The following FAM81B variants were observed in gnomAD, a reference collection of about 807,000 sequenced individuals.
FAM81B encodes family with sequence similarity 81 member B.
Under a neutral mutation model 58.7 loss-of-function variants are expected in FAM81B, and 60 were observed. That is an observed-to-expected ratio of 1.02 (90% CI 0.83 to 1.27). The LOEUF (loss-of-function observed/expected upper bound fraction) is 1.27, where lower values mean the gene tolerates loss of function less well. FAM81B is among the 50% of genes most tolerant of loss of function. The pLI, the probability that FAM81B is intolerant of heterozygous loss-of-function variation, is 0.00. For synonymous variants in FAM81B, 189 were observed against 179.6 expected (o/e 1.05, Z -0.42); for missense variants, 491 against 522.0 (o/e 0.94, Z 0.58).
chr5:95,404,891 G>A (rs2152761702), intron 3 of FAM81B, among the ~76,000 whole-genome samples: 1 of 152,244 alleles, frequency 6.6e-6, no homozygotes, highest in African/African-American at 2.4e-5. Context: ...TATGAGAGAA[G>A]GCCTATGTGG....
chr5:95,398,519 G>C (rs1762023459), intron 3 of FAM81B, among the ~76,000 whole-genome samples: 1 of 152,130 alleles, frequency 6.6e-6, no homozygotes, highest in African/African-American at 2.4e-5. Context: ...TGCAAACAGA[G>C]TACTTAAGTA....
intron 7 of FAM81B, among the ~76,000 whole-genome samples, chr5:95,439,157 A>G (rs1319495868): frequency 6.7e-6 from 1 of 149,236 alleles, no homozygotes; most frequent in Non-Finnish European, 1.5e-5. Flanking sequence ...AGAAACAAAA[A>G]AAGTATTATG....
chr5:95,450,123 G>A (rs1561319015), intron 9 of FAM81B, 26 bp from the exon 10 acceptor site: 1 of 1,591,480 alleles, frequency 6.3e-7, no homozygotes, highest in Non-Finnish European at 8.5e-7. Flanking sequence ...TTGTTTAAGT[G>A]TACCTATTCT....
chr5:95,432,304 A>G (rs1744934506), intron 6 of FAM81B, among the ~76,000 whole-genome samples: 1 of 152,000 alleles, frequency 6.6e-6, no homozygotes, highest in Non-Finnish European at 1.5e-5. Context: ...TTTACTTAAG[A>G]ATTTTGCATT....
intron 2 of FAM81B, among the ~76,000 whole-genome samples, chr5:95,395,270 T>C (rs1215965667): frequency 6.6e-6 from 1 of 151,784 alleles, no homozygotes. Flanking sequence ...AAACCCCATC[T>C]CTACTAAAAA....
At chr5:95,398,510 GCAAA>G (rs1374313460) in intron 3 of FAM81B, among the ~76,000 whole-genome samples, 8 of 152,106 alleles carry the variant, frequency 5.3e-5, no homozygotes, top group Non-Finnish European at 1.2e-4. Flanking sequence ...GGATTGACAT[GCAAA>G]CAGAGTACTT....
intron 6 of FAM81B, among the ~76,000 whole-genome samples, chr5:95,433,236 C>T (rs941075204): frequency 3.4e-5 from 5 of 148,756 alleles, no homozygotes; most frequent in Admixed American, 2.7e-4. Flanking sequence ...CTGGGGAGAC[C>T]TCACAGTCAT....
intron 3 of FAM81B, among the ~76,000 whole-genome samples, chr5:95,412,149 T>C (rs1346641483): frequency 6.6e-6 from 1 of 152,128 alleles, no homozygotes; most frequent in Non-Finnish European, 1.5e-5. Context: ...TGCTGCTTTT[T>C]TTTTTAAGAC....
At chr5:95,411,141 G>A (rs1226719940) in intron 3 of FAM81B, among the ~76,000 whole-genome samples, 1 of 152,092 alleles carries the variant, frequency 6.6e-6, no homozygotes, top group Non-Finnish European at 1.5e-5. Flanking sequence ...ACACATAAGG[G>A]CTTTGGAAAT....
At chr5:95,418,769 A>G (rs1044744090) in intron 4 of FAM81B, among the ~76,000 whole-genome samples, 4 of 152,114 alleles carry the variant, frequency 2.6e-5, no homozygotes, top group Admixed American at 6.5e-5. Flanking sequence ...AGACAAAATA[A>G]TCTCCTCAAT....
chr5:95,422,331 A>G (rs1321073369), intron 5 of FAM81B, among the ~76,000 whole-genome samples: 2 of 150,374 alleles, frequency 1.3e-5, no homozygotes, highest in Non-Finnish European at 3.0e-5. Context: ...ATATAGAAAT[A>G]TTTATTTCAT....
intron 7 of FAM81B, chr5:95,440,497 G>C (rs1199525618): frequency 6.6e-6 from 4 of 601,810 alleles, no homozygotes; most frequent in Non-Finnish European, 1.3e-5. Context: ...GGGTTTGCCT[G>C]TTGCTTTAGA....
chr5:95,427,872 G>C (rs535766732), intron 5 of FAM81B, among the ~76,000 whole-genome samples: 7 of 152,138 alleles, frequency 4.6e-5, no homozygotes, highest in African/African-American at 7.2e-5. Context: ...AGTTGTGGGG[G>C]TGTGGTTCTG....
intron 3 of FAM81B, among the ~76,000 whole-genome samples, chr5:95,408,582 T>C (rs1306190774): frequency 1.3e-5 from 2 of 152,216 alleles, no homozygotes; most frequent in Admixed American, 6.5e-5. Flanking sequence ...CTGCATGTAA[T>C]GTAGTATGAA....
intron 3 of FAM81B, among the ~76,000 whole-genome samples, chr5:95,405,325 C>T (rs1762216764): frequency 6.6e-6 from 1 of 152,132 alleles, no homozygotes; most frequent in Non-Finnish European, 1.5e-5. Context: ...AGTTGTGTGA[C>T]CATTCCTTGT....
intron 6 of FAM81B, among the ~76,000 whole-genome samples, chr5:95,435,361 A>G (rs891774094): frequency 6.6e-6 from 1 of 151,628 alleles, no homozygotes. Context: ...CACAGTGTGG[A>G]GTTATGGCCT....
At chr5:95,436,703 A>C in intron 6 of FAM81B, 97 bp from the exon 7 acceptor site, 1 of 816,210 alleles carries the variant, frequency 1.2e-6, no homozygotes, top group Non-Finnish European at 2.1e-6. Context: ...AATAAAGTAT[A>C]TTAATCTGTT....
Position 95,448,866 on chromosome 5 carries a change from G to C in FAM81B, c.1225+402G>C, listed in dbSNP as rs1745690719. 7.9e-6 allele frequency: 3 copies of C among 379,666 alleles called. No individual in the cohort carries two copies. The Admixed American group carries it at 1.1e-4, about 14-fold the overall frequency. The allele number at this position is 379,666 out of a possible 1,614,324, so 23.5% of individuals were successfully genotyped here. ...GAACTACAAGTAATGAGCTTGGACAGATGTCAGACTGGAGACCTGACCTTT... is the reference window on the plus strand; with the variant it reads ...GAACTACAAGTAATGAGCTTGGACACATGTCAGACTGGAGACCTGACCTTT... On this transcript the variant is annotated intron_variant, in intron 9 of 9. Coordinates refer to ENST00000283357, the MANE Select transcript of FAM81B (RefSeq NM_152548.3).
Position 95,429,420 on chromosome 5 carries a change from C to T in FAM81B, c.786+688C>T, listed in dbSNP as rs112743022. 8.0e-3 allele frequency among the ~76,000 whole-genome samples: 1,226 copies of T among 152,338 alleles called. 11 individuals carry two copies. The highest frequency in any genetic ancestry group is 9.5e-3 in the Non-Finnish European group (648 of 68,036). On this transcript the variant is annotated intron_variant, in intron 6 of 9. Coordinates refer to ENST00000283357, the MANE Select transcript of FAM81B (RefSeq NM_152548.3). ...TGTCACATCTTATGCAAAACAAGCA[C>T]TTCTCTTCTCCTCTGAAGTCATTTG...
Sources: allele counts gnomAD v4.1 joint callset (sites outside exome capture counted in the v4.1 genomes callset), GRCh38; gene constraint gnomAD v4.1.1; transcripts MANE v1.5; gene names NCBI Gene and HGNC (gene_info 2026-07-23, HGNC 2026-07-21).